Variants in MCM10 observed in about 807,000 individuals in gnomAD.
The protein encoded by MCM10 is minichromosome maintenance 10 replication initiation factor, also known as protein MCM10 homolog.
A neutral mutation model predicts 109.9 loss-of-function variants in MCM10; 91 were observed. The observed-to-expected ratio is 0.83, with a 90% confidence interval of 0.70 to 0.99. The LOEUF is 0.99. MCM10 is among the 50% of genes least tolerant of loss of function. The pLI, the probability that MCM10 is intolerant of heterozygous loss-of-function variation, is 0.00. For synonymous variants in MCM10, 380 were observed against 387.2 expected (o/e 0.98, Z 0.22); for missense variants, 1,077 against 1,061.2 (o/e 1.01, Z -0.21).
At chr10:13,194,360 C>T (rs1834388358) in intron 13 of MCM10, among the ~76,000 whole-genome samples, 1 of 152,152 alleles carries the variant, frequency 6.6e-6, no homozygotes, top group Non-Finnish European at 1.5e-5. Flanking sequence ...AAGACCCTGT[C>T]TCCAAAAACA....
In MCM10 at chr10:13,209,331, C is replaced by G. The variant is rs573682353; in HGVS notation, c.*21C>G. 5.2e-5 allele frequency: 82 copies of G among 1,587,192 alleles called. No individual in the cohort carries two copies. Among genetic ancestry groups the G allele is most frequent in the Non-Finnish European group, 7.0e-5 (81 of 1,157,230 alleles). ...AATAACCCGAACTTCAGACATTTTC[C>G]CACAGACTTCCTGGCCTCCTGTGAC... On this transcript the variant is annotated 3_prime_UTR_variant, in exon 20 of 20. Transcript: ENST00000378714.
intron 11 of MCM10, 68 bp downstream of exon 11, chr10:13,191,467 T>TAC: frequency 1.5e-6 from 2 of 1,304,744 alleles, no homozygotes; most frequent in Non-Finnish European, 2.2e-6. Flanking sequence ...GATAAAAGAC[T>TAC]ACACATTGGG....
chr10:13,197,471 T>C, intron 14 of MCM10, 152 bp from the exon 15 acceptor site: 1 of 620,706 alleles, frequency 1.6e-6, no homozygotes, highest in Non-Finnish European at 2.8e-6. Context: ...GTAATTGTGT[T>C]AATAATACTA....
intron 5 of MCM10, among the ~76,000 whole-genome samples, chr10:13,174,012 C>G (rs1199357799): frequency 6.6e-6 from 1 of 151,894 alleles, no homozygotes; most frequent in Admixed American, 6.6e-5. Context: ...GTAACTCCAT[C>G]AGGGATATTT....
At position 13,204,424 on chromosome 10, in the gene MCM10, G is replaced by A. The variant is rs1766085797; in HGVS notation, c.2498+60G>A. 6 of 1,589,654 alleles carry A rather than the reference G, an allele frequency of 3.8e-6. No homozygotes were observed. The South Asian group carries it at 6.8e-5, about 18-fold the overall frequency. On this transcript the variant is annotated intron_variant, in intron 18 of 19. Transcript: ENST00000378714. ...GGGGATTTTCATCTCTTTTTCCAGAGTCTGTGATTCTGTTCCCTTGGAACG... is the reference window on the plus strand; with the variant it reads ...GGGGATTTTCATCTCTTTTTCCAGAATCTGTGATTCTGTTCCCTTGGAACG...
chr10:13,205,293 G>C (rs1270960035), intron 18 of MCM10, among the ~76,000 whole-genome samples: 2 of 151,976 alleles, frequency 1.3e-5, no homozygotes, highest in African/African-American at 4.8e-5. Flanking sequence ...TTGGCTTTCT[G>C]TTTCTGAGTT....
At chr10:13,204,568 A>G (rs373762775) in intron 18 of MCM10, 1 of 557,636 alleles carries the variant, frequency 1.8e-6, no homozygotes, top group Non-Finnish European at 3.1e-6. Flanking sequence ...AACACCTAAT[A>G]TAGTGCCTGG....
intron 6 of MCM10, among the ~76,000 whole-genome samples, chr10:13,177,508 C>CTTTTTTTTTTTTTTTTTTTTTT (rs60316855): frequency 1.9e-5 from 2 of 105,266 alleles, no homozygotes; most frequent in African/African-American, 4.1e-5. Flanking sequence ...GATTTTGGAG[C>CTTTTTTTTTTTTTTTTTTTTTT]TTTTTTTTTT....
intron 14 of MCM10, 166 bp downstream of exon 14, chr10:13,195,435 A>T (rs4076400): frequency 1.7e-6 from 1 of 578,266 alleles, no homozygotes; most frequent in African/African-American, 1.9e-5. Context: ...TAGATCTGTT[A>T]TCTCAACACT....
At chr10:13,187,836 G>A (rs190003663) in intron 9 of MCM10, among the ~76,000 whole-genome samples, 9 of 152,192 alleles carry the variant, frequency 5.9e-5, no homozygotes, top group African/African-American at 1.7e-4. Flanking sequence ...CTCCCCGTGA[G>A]AATTAGATTC....
At chr10:13,190,958 G>A (rs1412687400) in intron 10 of MCM10, among the ~76,000 whole-genome samples, 1 of 152,118 alleles carries the variant, frequency 6.6e-6, no homozygotes, top group Non-Finnish European at 1.5e-5. Context: ...TATAAACAAA[G>A]CTGCCATTAA....
chr10:13,173,580 A>G (rs567970246), intron 5 of MCM10, among the ~76,000 whole-genome samples: 4 of 152,184 alleles, frequency 2.6e-5, no homozygotes, highest in African/African-American at 7.2e-5. Context: ...CTGATAAAAC[A>G]TGGGTTGGAG....
chr10:13,172,779 G>C lies in MCM10; in HGVS notation c.592+14G>C. The C allele has an allele frequency of 6.2e-7, 1 of 1,613,628 alleles. No individual in the cohort carries two copies. The highest frequency in any genetic ancestry group is 8.5e-7 in the Non-Finnish European group (1 of 1,179,852). On this transcript the variant is annotated intron_variant, in intron 5 of 19. Transcript: ENST00000378714. This position sits in a 1 kb window ranked among gnomAD's most constrained non-coding sequence, Gnocchi z 5.2. Reference sequence around the variant, plus strand: ...CTTCACCTCCAGGTGTAGTACTTGCGGTCTCAGTATCTTGGCACTATTGTA... The same window carrying C: ...CTTCACCTCCAGGTGTAGTACTTGCCGTCTCAGTATCTTGGCACTATTGTA...
Position 13,207,500 on chromosome 10 carries a change from G to T in MCM10, c.2499-1591G>T, listed in dbSNP as rs138572173. 5.3e-3 allele frequency among the ~76,000 whole-genome samples: 805 copies of T among 152,310 alleles called. 6 individuals are homozygous for T. Among genetic ancestry groups the T allele is most frequent in the African/African-American group, 0.019 (775 of 41,564 alleles). ...CGTGCCACCTTTCAGGGCAGAAATT[G>T]TGATATGGTTTGGCTGTGTCCCCAC... On this transcript the variant is annotated intron_variant, in intron 18 of 19. Transcript: ENST00000378714.
intron 18 of MCM10, among the ~76,000 whole-genome samples, chr10:13,205,002 G>GTATA (rs576376587): frequency 3.0e-4 from 2 of 6,666 alleles, no homozygotes; most frequent in Non-Finnish European, 3.3e-4. Flanking sequence ...ATGTATGTAT[G>GTATA]TATATATATA....
chr10:13,191,487 CA>C, intron 11 of MCM10, 88 bp downstream of exon 11: 2 of 1,025,388 alleles, frequency 2.0e-6, no homozygotes, highest in South Asian at 2.7e-5. Context: ...GTACAGGGTA[CA>C]CTGCTCCGGT....
intron 5 of MCM10, among the ~76,000 whole-genome samples, chr10:13,173,407 G>C (rs1834101450): frequency 6.6e-6 from 1 of 152,030 alleles, no homozygotes; most frequent in Non-Finnish European, 1.5e-5. Flanking sequence ...AAATCAAAAG[G>C]GCTGTTTTCT....
Position 13,208,761 on chromosome 10 carries a change from G to A in MCM10, c.2499-330G>A, listed in dbSNP as rs1834619976. Among the ~76,000 whole-genome samples the A allele has an allele frequency of 2.6e-5, 4 of 152,106 alleles. No homozygotes were observed. The South Asian group carries it at 8.3e-4, about 32-fold the overall frequency. The stretch of plus-strand genomic sequence containing the variant: ...CAGAGGGCCAGCTCCTTAAATCTGA[G>A]TCTCATCCCAACCACCATCATTTGT... On this transcript the variant is annotated intron_variant, in intron 18 of 19. Transcript: ENST00000378714.
intron 13 of MCM10, among the ~76,000 whole-genome samples, chr10:13,194,092 G>T (rs1834384424): frequency 6.6e-6 from 1 of 152,148 alleles, no homozygotes; most frequent in Non-Finnish European, 1.5e-5. Context: ...AGGCTGGCTT[G>T]GTGGCTTATG....
Sources: gnomAD v4.1 joint callset for allele counts (sites outside exome capture counted in the v4.1 genomes callset) on GRCh38, gnomAD v4.1.1 for gene constraint, Gnocchi (gnomAD v3.1) non-coding constraint, MANE v1.5 for transcripts, NCBI Gene and HGNC (gene_info 2026-07-23, HGNC 2026-07-21) for gene names.